Variants in TENM3 observed in about 807,000 individuals in gnomAD.
TENM3 encodes the protein teneurin transmembrane protein 3.
TENM3 carries 63 observed loss-of-function variants against 255.1 expected under a neutral mutation model. That is an observed-to-expected ratio of 0.25 (90% CI 0.20 to 0.30). TENM3 has a LOEUF of 0.30. TENM3 is among the 10% of genes least tolerant of loss of function. TENM3 has a pLI of 1.00. For synonymous variants in TENM3, 1,306 were observed against 1,322.3 expected, an observed-to-expected ratio of 0.99 and a Z score of 0.27; for missense variants, 2,929 against 3,461.1, an observed-to-expected ratio of 0.85 and a Z score of 3.86.
intron 3 of TENM3, among the ~76,000 whole-genome samples, chr4:182,467,801 A>G (rs1305373984): frequency 6.6e-6 from 1 of 152,224 alleles, no homozygotes; most frequent in East Asian, 1.9e-4. Context: ...CGCACCCTGT[A>G]AAGATCCAAT....
At chr4:181,832,619 G>A in the TENM3 span, among the ~76,000 whole-genome samples, 209 of 152,326 alleles carry the variant, frequency 1.4e-3, 1 homozygote, top group Non-Finnish European at 2.3e-3. Flanking sequence ...GATACGCTAA[G>A]AGACTTGCTT....
chr4:181,484,544 T>C, the TENM3 span, among the ~76,000 whole-genome samples: 1 of 152,210 alleles, frequency 6.6e-6, no homozygotes, highest in South Asian at 2.1e-4. Flanking sequence ...AAATTCAATC[T>C]AAATTTACTG....
chr4:182,558,834 T>C (rs1455971051), intron 3 of TENM3, among the ~76,000 whole-genome samples: 1 of 152,188 alleles, frequency 6.6e-6, no homozygotes, highest in Non-Finnish European at 1.5e-5. Context: ...AATGTTTCCT[T>C]ATTGGAGATG....
At chr4:182,400,260 A>G (rs1052312570) in intron 3 of TENM3, among the ~76,000 whole-genome samples, 1 of 152,160 alleles carries the variant, frequency 6.6e-6, no homozygotes, top group Non-Finnish European at 1.5e-5. Flanking sequence ...TTGGATTTGA[A>G]CAGCCTTCTA....
intron 19 of TENM3, among the ~76,000 whole-genome samples, chr4:182,746,825 G>C (rs1168048127): frequency 6.6e-6 from 1 of 152,188 alleles, no homozygotes; most frequent in Non-Finnish European, 1.5e-5. Context: ...AGAGGAAGAT[G>C]TAGAGAATGT....
At chr4:181,725,393 G>T in the TENM3 span, among the ~76,000 whole-genome samples, 1 of 150,410 alleles carries the variant, frequency 6.6e-6, no homozygotes, top group Admixed American at 6.6e-5. Context: ...GCAAAATAAG[G>T]ATCTGACATT....
chr4:182,420,428 T>G (rs1580478859), intron 3 of TENM3, among the ~76,000 whole-genome samples: 1 of 152,306 alleles, frequency 6.6e-6, no homozygotes, highest in African/African-American at 2.4e-5. Context: ...ACACACGAAC[T>G]ACACTGGTGA....
intron 1 of TENM3, among the ~76,000 whole-genome samples, chr4:182,180,323 T>C (rs1752762616): frequency 6.6e-6 from 1 of 152,210 alleles, no homozygotes; most frequent in South Asian, 2.1e-4. Context: ...CACCCATGTG[T>C]CTGCATTACT....
At chr4:181,894,644 A>G in the TENM3 span, among the ~76,000 whole-genome samples, 1 of 152,020 alleles carries the variant, frequency 6.6e-6, no homozygotes, top group African/African-American at 2.4e-5. Context: ...CCAAAGCTGC[A>G]GAAGATTTGA....
At chr4:182,327,313 C>CT (rs1763475168) in intron 2 of TENM3, among the ~76,000 whole-genome samples, 1 of 152,000 alleles carries the variant, frequency 6.6e-6, no homozygotes, top group Non-Finnish European at 1.5e-5. Context: ...GCTAATTTAG[C>CT]TTTTTTTGTC....
chr4:182,222,199 A>G (rs1002237511), intron 1 of TENM3, among the ~76,000 whole-genome samples: 3 of 152,236 alleles, frequency 2.0e-5, no homozygotes, highest in African/African-American at 7.2e-5. Flanking sequence ...ATATTGATCA[A>G]ATTTCTAAAC....
chr4:181,592,255 A>AC, the TENM3 span, among the ~76,000 whole-genome samples: 3 of 149,432 alleles, frequency 2.0e-5, no homozygotes, highest in Non-Finnish European at 3.0e-5. Flanking sequence ...GTTTAAACAC[A>AC]AACACACACA....
intron 3 of TENM3, among the ~76,000 whole-genome samples, chr4:182,581,965 A>C (rs1280696578): frequency 1.3e-5 from 2 of 152,184 alleles, no homozygotes; most frequent in African/African-American, 4.8e-5. Flanking sequence ...TCAAATAGAG[A>C]ATTTAAAAAT....
the TENM3 span, among the ~76,000 whole-genome samples, chr4:181,615,767 G>A: frequency 2.6e-5 from 4 of 152,152 alleles, no homozygotes; most frequent in Non-Finnish European, 4.4e-5. Flanking sequence ...TGTGTTCGTC[G>A]TGATTGTGCC....
chr4:182,717,041 C>T (rs546843869), intron 13 of TENM3, among the ~76,000 whole-genome samples: 4 of 125,086 alleles, frequency 3.2e-5, no homozygotes, highest in Admixed American at 9.1e-5. Context: ...AAGGAAGTTG[C>T]GTACCATTCC....
At chr4:182,143,919 G>A (rs1366184045), upstream of TENM3, 3 of 152,692 alleles carry the variant, frequency 2.0e-5, no homozygotes, top group Non-Finnish European at 4.4e-5. The surrounding 1 kb of genome is among the most constrained non-coding windows in gnomAD (Gnocchi z 4.3). Flanking sequence ...CGAACCCGAC[G>A]CGGCCGGGAG....
chr4:181,868,201 G>A, the TENM3 span, among the ~76,000 whole-genome samples: 4 of 151,952 alleles, frequency 2.6e-5, no homozygotes, highest in African/African-American at 7.3e-5. Context: ...AACAAACAGC[G>A]TATTCTCCAC....
At chr4:182,518,423 A>C (rs1738222933) in intron 3 of TENM3, among the ~76,000 whole-genome samples, 1 of 152,114 alleles carries the variant, frequency 6.6e-6, no homozygotes. Flanking sequence ...CTCTGCATTC[A>C]TCTAGTGGGA....
chr4:181,770,360 T>C, the TENM3 span, among the ~76,000 whole-genome samples: 1 of 152,298 alleles, frequency 6.6e-6, no homozygotes, highest in Non-Finnish European at 1.5e-5. Flanking sequence ...CACTTGCCAG[T>C]GCTAACCTCA....
Sources: allele counts gnomAD v4.1 joint callset (sites outside exome capture counted in the v4.1 genomes callset), GRCh38; gene constraint gnomAD v4.1.1; non-coding constraint Gnocchi (gnomAD v3.1); transcripts MANE v1.5; gene names NCBI Gene and HGNC (gene_info 2026-07-23, HGNC 2026-07-21).